The following ATP6V0A4 variants were observed in gnomAD, a reference collection of about 807,000 sequenced individuals.
ATP6V0A4 encodes the protein ATPase H+ transporting V0 subunit a4, also known as V-type proton ATPase 116 kDa subunit a 4.
In ATP6V0A4, 86 loss-of-function variants were observed where a neutral mutation model predicts 107.3. The observed-to-expected ratio is 0.80, with a 90% CI of 0.67 to 0.96. The LOEUF (loss-of-function observed/expected upper bound fraction) is 0.96, where lower values mean the gene tolerates loss of function less well. ATP6V0A4 is among the 40% of genes least tolerant of loss of function. The pLI is 0.00. For synonymous variants in ATP6V0A4, 353 were observed against 381.4 expected (o/e 0.93, Z 0.87); for missense variants, 908 against 1,045.6 (o/e 0.87, Z 1.81).
At chr7:138,722,604 G>A (rs1293411068) in intron 18 of ATP6V0A4, among the ~76,000 whole-genome samples, 1 of 151,358 alleles carries the variant, frequency 6.6e-6, no homozygotes, top group Non-Finnish European at 1.5e-5. Flanking sequence ...AAATAGCTGG[G>A]CGTGGTGGTG....
At chr7:138,744,861 T>C (rs1167041892) in intron 14 of ATP6V0A4, among the ~76,000 whole-genome samples, 2 of 151,620 alleles carry the variant, frequency 1.3e-5, no homozygotes, top group Non-Finnish European at 2.9e-5. Flanking sequence ...TGCCACCACA[T>C]CTGGCTAATT....
intron 5 of ATP6V0A4, among the ~76,000 whole-genome samples, chr7:138,766,770 TTTA>T (rs1327528668): frequency 6.6e-6 from 1 of 152,256 alleles, no homozygotes; most frequent in Non-Finnish European, 1.5e-5. Context: ...GATGAATTCC[TTTA>T]TTAAGGTACT....
intron 8 of ATP6V0A4, among the ~76,000 whole-genome samples, chr7:138,759,050 CTATTTTTTTTTT>C (rs1206458057): frequency 2.4e-3 from 219 of 91,846 alleles, no homozygotes; most frequent in African/African-American, 8.2e-3. Flanking sequence ...CATGCCCAGC[CTATTTTTTTTTT>C]TTTTTTTTTT....
chr7:138,765,453 G>A (rs1162688566), intron 5 of ATP6V0A4, among the ~76,000 whole-genome samples: 1 of 152,134 alleles, frequency 6.6e-6, no homozygotes, highest in Non-Finnish European at 1.5e-5. Flanking sequence ...TGAGAATAAA[G>A]CCTGAAAACA....
chr7:138,754,520 G>T (rs1012382284), intron 10 of ATP6V0A4, among the ~76,000 whole-genome samples: 8 of 151,602 alleles, frequency 5.3e-5, no homozygotes, highest in African/African-American at 1.9e-4. Context: ...TAAGGGTTTT[G>T]AAAGAGGCAC....
intron 1 of ATP6V0A4, among the ~76,000 whole-genome samples, chr7:138,794,419 T>G (rs749650105): frequency 3.9e-5 from 6 of 152,142 alleles, no homozygotes; most frequent in Non-Finnish European, 7.4e-5. Context: ...CCCTGGGCCG[T>G]TCCAGGCCAC....
rs562708365 is a variant in ATP6V0A4, at chr7:138,721,472, G to A, written c.2139+425C>T. On this transcript the variant is annotated intron_variant, in intron 19 of 21. Coordinates refer to ENST00000310018, the MANE Select transcript of ATP6V0A4 (RefSeq NM_020632.3). ...GAGAATCACTTGAGCCTGGGAGGCGGAGGTTGCAGTGAGCCGAAATTGGCT... is the reference window on the plus strand; with the variant it reads ...GAGAATCACTTGAGCCTGGGAGGCGAAGGTTGCAGTGAGCCGAAATTGGCT... Among the ~76,000 whole-genome samples, 6 of 152,206 alleles carry A rather than the reference G, an allele frequency of 3.9e-5. No individual in the cohort carries two copies. In the East Asian group the frequency reaches 1.2e-3, roughly 30 times the overall value.
At chr7:138,745,779 C>T (rs1805893222) in intron 13 of ATP6V0A4, among the ~76,000 whole-genome samples, 1 of 146,716 alleles carries the variant, frequency 6.8e-6, no homozygotes, top group South Asian at 2.1e-4. Flanking sequence ...CATGGTGAAA[C>T]CCCGTCTCTA....
At chr7:138,784,469 C>T (rs1440637271) in intron 2 of ATP6V0A4, among the ~76,000 whole-genome samples, 1 of 151,348 alleles carries the variant, frequency 6.6e-6, no homozygotes, top group Non-Finnish European at 1.5e-5. Context: ...CAGACACCCA[C>T]CACCACACCC....
In ATP6V0A4 at chr7:138,733,003, G is replaced by T. The variant is rs1411378685; in HGVS notation, c.1782C>A (p.Ile594=). ...CGTCAAAGCAGCACCATTTGAAAAT[G>T]ATCATGAAAACCAGGTATCCAAACA... The part of the protein sequence containing the change: ...LCLFGYLVFM[I]IFKWCCFDVH... The change falls in exon 17 of 22, where the codon ATC becomes ATA. Residue 594 remains isoleucine, a synonymous_variant. Coordinates refer to ENST00000310018, the MANE Select transcript of ATP6V0A4 (RefSeq NM_020632.3). 4 of 1,613,958 alleles carry T rather than the reference G, an allele frequency of 2.5e-6. No individual in the cohort carries two copies. Among genetic ancestry groups the T allele is most frequent in the African/African-American group, 1.3e-5 (1 of 74,888 alleles).
At chr7:138,780,099 T>C (rs1807849955) in intron 2 of ATP6V0A4, 1 of 152,202 alleles carries the variant, frequency 6.6e-6, no homozygotes, top group Admixed American at 6.5e-5. Flanking sequence ...GCCTGGGTTG[T>C]GTTGTTGCAG....
intron 2 of ATP6V0A4, among the ~76,000 whole-genome samples, chr7:138,781,732 G>T (rs752820562): frequency 6.6e-6 from 1 of 152,006 alleles, no homozygotes; most frequent in Non-Finnish European, 1.5e-5. Flanking sequence ...TATGGCATTA[G>T]TTAGGACTCC....
intron 19 of ATP6V0A4, among the ~76,000 whole-genome samples, chr7:138,718,607 A>C (rs1311724735): frequency 7.3e-5 from 5 of 68,774 alleles, no homozygotes; most frequent in Non-Finnish European, 1.3e-4. Flanking sequence ...AATGGGGAGG[A>C]ATGGGGAGGA....
chr7:138,729,593 C>G (rs1045386164), intron 17 of ATP6V0A4, among the ~76,000 whole-genome samples: 1 of 152,140 alleles, frequency 6.6e-6, no homozygotes, highest in Admixed American at 6.5e-5. Context: ...CACATCCTCA[C>G]GCCCCTGCCT....
chr7:138,759,198 T>C (rs951481564), intron 8 of ATP6V0A4, among the ~76,000 whole-genome samples: 1 of 151,716 alleles, frequency 6.6e-6, no homozygotes, highest in African/African-American at 2.4e-5. Context: ...TAGCTGGGAC[T>C]ACCGGTGTGT....
At chr7:138,794,881 C>T (rs1218228620) in intron 1 of ATP6V0A4, among the ~76,000 whole-genome samples, 1 of 145,750 alleles carries the variant, frequency 6.9e-6, no homozygotes, top group Admixed American at 7.2e-5. Context: ...TATCATTGGC[C>T]AGTCCAGCCC....
chr7:138,763,508 A>C (rs926471403), intron 5 of ATP6V0A4, among the ~76,000 whole-genome samples: 6 of 152,052 alleles, frequency 3.9e-5, no homozygotes, highest in Non-Finnish European at 8.8e-5. Flanking sequence ...CACACCTGTA[A>C]TCCCAGCTAC....
intron 17 of ATP6V0A4, among the ~76,000 whole-genome samples, chr7:138,731,876 G>C (rs1475389515): frequency 6.6e-6 from 1 of 151,636 alleles, no homozygotes; most frequent in Non-Finnish European, 1.5e-5. Flanking sequence ...CTGGGTGACA[G>C]AGTGGGACTC....
chr7:138,731,736 T>C (rs551284819), intron 17 of ATP6V0A4, among the ~76,000 whole-genome samples: 45 of 151,932 alleles, frequency 3.0e-4, no homozygotes, highest in Non-Finnish European at 3.4e-4. Context: ...CTACTAAAAA[T>C]GCAAAAATTA....
Sources: allele counts gnomAD v4.1 joint callset (sites outside exome capture counted in the v4.1 genomes callset), GRCh38; gene constraint gnomAD v4.1.1; transcripts MANE v1.5; gene names NCBI Gene and HGNC (gene_info 2026-07-23, HGNC 2026-07-21).